The following PLP1 variants were observed in gnomAD, a reference collection of about 807,000 sequenced individuals.
PLP1 encodes proteolipid protein 1, also known as myelin proteolipid protein.
PLP1 carries 2 observed loss-of-function variants against 18.5 expected under a neutral mutation model. That is an observed-to-expected ratio of 0.11 (90% CI 0.04 to 0.34). The LOEUF is 0.34. PLP1 is among the 10% of genes least tolerant of loss of function. The pLI is 1.00. For missense variants in PLP1, 105 were observed against 207.3 expected (o/e 0.51, Z 3.03); for synonymous variants, 86 against 83.2 (o/e 1.03, Z -0.19).
At chrX:103,780,471 G>A (rs1380411527) in intron 1 of PLP1, among the ~76,000 whole-genome samples, 6 of 110,298 alleles carry the variant, frequency 5.4e-5, no homozygotes, top group Non-Finnish European at 5.7e-5. Flanking sequence ...GTGTGTGTGC[G>A]CGTCTGAAGA....
At chrX:103,788,702 A>C in intron 5 of PLP1, 192 bp downstream of exon 5, 1 of 462,007 alleles carries the variant, frequency 2.2e-6, no homozygotes, top group South Asian at 3.2e-5. Context: ...TTTTCTCTAG[A>C]GTTGCATAGA....
intron 5 of PLP1, 187 bp downstream of exon 5, chrX:103,788,697 T>G (rs909765967): frequency 2.8e-5 from 13 of 470,746 alleles, no homozygotes; most frequent in Non-Finnish European, 1.9e-5. Context: ...ACCTGTTTTC[T>G]CTAGAGTTGC....
At chrX:103,789,145 G>A (rs189561698) in intron 5 of PLP1, 188 bp from the exon 6 acceptor site, 129 of 482,044 alleles carry the variant, frequency 2.7e-4, no homozygotes, top group African/African-American at 1.5e-3. Context: ...GGTGTTAATG[G>A]GCCAGGTGCT....
intron 6 of PLP1, 71 bp from the exon 7 acceptor site, chrX:103,790,456 C>T (rs1160290682): frequency 1.3e-6 from 1 of 763,209 alleles, no homozygotes; most frequent in African/African-American, 2.1e-5. Context: ...CTTCCTCATT[C>T]CCAAAGGGAT....
chrX:103,784,946 C>T (rs368678103), intron 1 of PLP1, among the ~76,000 whole-genome samples: 59 of 112,441 alleles, frequency 5.2e-4, no homozygotes, highest in Admixed American at 1.4e-3. Flanking sequence ...AACAAACAGA[C>T]TAGAACAATA....
At chrX:103,790,367 G>C (rs2074534929) in intron 6 of PLP1, among the ~76,000 whole-genome samples, 160 bp from the exon 7 acceptor site, 1 of 112,900 alleles carries the variant, frequency 8.9e-6, no homozygotes, top group Non-Finnish European at 1.9e-5. Context: ...AGTGTATATG[G>C]AGAAAGCCAA....
chrX:103,781,204 G>T (rs1036184528), intron 1 of PLP1: 1 of 283,612 alleles, frequency 3.5e-6, no homozygotes, highest in African/African-American at 2.7e-5. Context: ...CTTGAGGCGG[G>T]CCCAGGGCAT....
rs1029989705 is a variant in PLP1 at position 103,785,943 on chromosome X, A to C, written c.191+175A>C. On this transcript the variant is annotated intron_variant, in intron 2 of 6. Coordinates refer to ENST00000621218, the MANE Select transcript of PLP1 (RefSeq NM_000533.5). ...TGCTCCACATTCGAAGCCCATTCAG[A>C]AAGGAGGGGTCTGCCTGCCTGCCTG... 2.4e-4 allele frequency: 173 copies of C among 707,235 alleles called. 1 individual carries two copies. The East Asian group carries it at 6.0e-3, about 25-fold the overall frequency. The allele number at this position is 707,235 out of a possible 1,213,427, so 58.3% of individuals were successfully genotyped here. A position where few individuals can be genotyped will look rare whatever the true frequency, so the allele number is the denominator to read the frequency against.
At chrX:103,790,381 T>C (rs1194202788) in intron 6 of PLP1, 146 bp from the exon 7 acceptor site, 1 of 552,001 alleles carries the variant, frequency 1.8e-6, no homozygotes, top group African/African-American at 2.2e-5. Context: ...AAGCCAAGCC[T>C]GGGATGTACT....
At chrX:103,789,306 A>G in intron 5 of PLP1, 27 bp from the exon 6 acceptor site, 1 of 1,127,149 alleles carries the variant, frequency 8.9e-7, no homozygotes, top group Non-Finnish European at 1.2e-6. Flanking sequence ...TGCAAGAAAC[A>G]GTTCTTCCTC....
At chrX:103,785,992 C>CCCCGT in intron 2 of PLP1, 1 of 694,148 alleles carries the variant, frequency 1.4e-6, no homozygotes, top group Non-Finnish European at 2.1e-6. Flanking sequence ...CCCCCGCCCC[C>CCCCGT]TTGTTTTCTT....
chrX:103,786,634 C>A lies in PLP1; in HGVS notation c.361C>A (p.Gln121Lys). Residue 121 changes from glutamine (Q) to lysine (K), a missense_variant, in exon 3 of 7, where the codon CAG (glutamine) becomes AAG (lysine). By Grantham distance (53) the Gln-to-Lys change is moderately conservative. Coordinates refer to ENST00000621218, the MANE Select transcript of PLP1 (RefSeq NM_000533.5). ...KGLSATVTGG[Q>K]KGRGSRGQHQ... is the part of the protein sequence containing the mutation. ...CCTGAGCGCAACGGTAACAGGGGGC[C>A]AGAAGGGGAGGGGTTCCAGAGGCCA... 8.3e-7 allele frequency: 1 copy of A among 1,211,248 alleles called. No homozygotes were observed. Among genetic ancestry groups the A allele is most frequent in the Non-Finnish European group, 1.1e-6 (1 of 895,039 alleles).
At chrX:103,784,972 A>T (rs914000607) in intron 1 of PLP1, among the ~76,000 whole-genome samples, 4 of 112,541 alleles carry the variant, frequency 3.6e-5, no homozygotes, top group Non-Finnish European at 7.5e-5. Context: ...GAAGGGACTG[A>T]TTTCATAATC....
chrX:103,783,391 C>T (rs781630866), intron 1 of PLP1, among the ~76,000 whole-genome samples: 6 of 112,463 alleles, frequency 5.3e-5, no homozygotes, highest in Non-Finnish European at 9.4e-5. Context: ...GGCAGCAATG[C>T]TTTAGTTCTT....
chrX:103,784,790 C>T (rs2147761816), intron 1 of PLP1, among the ~76,000 whole-genome samples: 1 of 112,174 alleles, frequency 8.9e-6, no homozygotes, highest in African/African-American at 3.2e-5. Flanking sequence ...GTCTACTTAG[C>T]TAATTCTTCC....
chrX:103,785,740 T>A lies in PLP1; in HGVS notation c.163T>A (p.Tyr55Asn). 8.3e-7 allele frequency: 1 copy of A among 1,209,606 alleles called. No individual in the cohort carries two copies. The highest frequency in any genetic ancestry group is 1.1e-6 in the Non-Finnish European group (1 of 893,472). The stretch of plus-strand genomic sequence containing the variant: ...AATTGAGACCTATTTCTCCAAAAAC[T>A]ACCAAGACTATGAGTATCTCATCAA... Reference protein sequence around the residue: ...KLIETYFSKNYQDYEYLINVI... With the variant: ...KLIETYFSKNNQDYEYLINVI... Residue 55 changes from tyrosine (Y) to asparagine (N), a missense_variant, in exon 2 of 7, where the codon TAC (tyrosine) becomes AAC (asparagine). Coordinates refer to ENST00000621218, the MANE Select transcript of PLP1 (RefSeq NM_000533.5).
intron 1 of PLP1, among the ~76,000 whole-genome samples, chrX:103,779,637 T>G (rs1428095769): frequency 8.9e-6 from 1 of 111,863 alleles, no homozygotes; most frequent in Admixed American, 9.5e-5. Context: ...TACCCTGCTT[T>G]AGGGGGCCTT....
At chrX:103,785,446 C>T (rs2147762606) in intron 1 of PLP1, 136 bp from the exon 2 acceptor site, 1 of 544,739 alleles carries the variant, frequency 1.8e-6, no homozygotes, top group East Asian at 3.3e-5. Context: ...AAGCCAAAAC[C>T]TCTAGCCGCT....
intron 1 of PLP1, among the ~76,000 whole-genome samples, chrX:103,780,435 C>CTGTG (rs759765185): frequency 1.0e-3 from 71 of 68,333 alleles, no homozygotes; most frequent in Middle Eastern, 7.9e-3. Context: ...CATTCTGTCT[C>CTGTG]TCTCTGTGTG....
Sources: allele counts gnomAD v4.1 joint callset (sites outside exome capture counted in the v4.1 genomes callset), GRCh38; gene constraint gnomAD v4.1.1; transcripts MANE v1.5; gene names NCBI Gene and HGNC (gene_info 2026-07-23, HGNC 2026-07-21).